KLHL14: variants seen among roughly 807,000 people sequenced by gnomAD.
The protein encoded by KLHL14 is kelch like family member 14.
KLHL14 carries 22 observed loss-of-function variants against 64.3 expected under a neutral mutation model. The observed-to-expected ratio is 0.34, with a 90% CI of 0.24 to 0.49. The LOEUF (loss-of-function observed/expected upper bound fraction) is 0.49, where lower values mean the gene tolerates loss of function less well. KLHL14 is among the 20% of genes least tolerant of loss of function. The pLI, the probability that KLHL14 is intolerant of heterozygous loss-of-function variation, is 0.99. For missense variants in KLHL14, 661 were observed against 789.0 expected, an observed-to-expected ratio of 0.84 and a Z score of 1.94; for synonymous variants, 322 against 333.4, an observed-to-expected ratio of 0.97 and a Z score of 0.37.
chr18:32,679,015 G>A (rs886411300), intron 7 of KLHL14, among the ~76,000 whole-genome samples: 1 of 152,138 alleles, frequency 6.6e-6, no homozygotes, highest in African/African-American at 2.4e-5. Flanking sequence ...TAAAGGAATG[G>A]TGTGTGGCTT....
At chr18:32,733,788 C>G (rs1426410766) in intron 3 of KLHL14, 1 of 195,670 alleles carries the variant, frequency 5.1e-6, no homozygotes, top group Non-Finnish European at 1.1e-5. Context: ...GGGCAGAACC[C>G]TAATCAAGGA....
intron 3 of KLHL14, among the ~76,000 whole-genome samples, chr18:32,705,887 T>C (rs189554634): frequency 1.3e-5 from 2 of 152,358 alleles, no homozygotes; most frequent in East Asian, 3.9e-4. Context: ...AGTTCCCATC[T>C]GGACCACTCT....
chr18:32,772,144 C>A (rs966912094), intron 1 of KLHL14: 2 of 270,754 alleles, frequency 7.4e-6, no homozygotes, highest in Admixed American at 4.1e-5. Flanking sequence ...GAGCCGCCGC[C>A]GCCGCCCGGC....
rs780059216 is a variant in KLHL14 at position 32,770,625 on chromosome 18, C to G, written c.-34G>C. Reference sequence around the variant, plus strand: ...GACTCGGTGCACCTGGCTTTAAACCCTCCTCCAACCTGGCAGACAGGGGTG... The same window carrying G: ...GACTCGGTGCACCTGGCTTTAAACCGTCCTCCAACCTGGCAGACAGGGGTG... On this transcript the variant is annotated 5_prime_UTR_variant, in exon 2 of 9. Transcript: ENST00000359358. This position sits in a 1 kb window ranked among gnomAD's most constrained non-coding sequence, Gnocchi z 6.7. 1 of 1,496,988 alleles carries G rather than the reference C, an allele frequency of 6.7e-7. No homozygotes were observed. Among genetic ancestry groups the G allele is most frequent in the Admixed American group, 2.0e-5 (1 of 50,840 alleles). The allele number at this position is 1,496,988 out of a possible 1,614,324, so 92.7% of individuals were successfully genotyped here.
intron 3 of KLHL14, among the ~76,000 whole-genome samples, chr18:32,739,642 GCACA>G (rs61442102): frequency 0.3 from 43,738 of 147,128 alleles, 6,444 homozygotes; most frequent in African/African-American, 0.33. Context: ...TAAGAACTTT[GCACA>G]CACACACACA....
In KLHL14 at chr18:32,680,091, T is replaced by A; in HGVS notation, c.1588+78A>T. On this transcript the variant is annotated intron_variant, in intron 7 of 8. Coordinates refer to ENST00000359358, the MANE Select transcript of KLHL14 (RefSeq NM_020805.3). The surrounding 1 kb of genome is among the most constrained non-coding windows in gnomAD (Gnocchi z 4.8). ...TTTTACTTGGTTAACTATGATTATCTAAGGAGAAACCCCCTTAGCGAGAAA... is the reference window on the plus strand; with the variant it reads ...TTTTACTTGGTTAACTATGATTATCAAAGGAGAAACCCCCTTAGCGAGAAA... 7.1e-7 allele frequency: 1 copy of A among 1,417,408 alleles called. No homozygotes were observed. The highest frequency in any genetic ancestry group is 9.6e-7 in the Non-Finnish European group (1 of 1,036,510). 87.8% of individuals were successfully genotyped at this position (1,417,408 alleles called of 1,614,324 possible). A position where few individuals can be genotyped will look rare whatever the true frequency, so the allele number is the denominator to read the frequency against.
chr18:32,750,679 C>G (rs1196897566), intron 2 of KLHL14, among the ~76,000 whole-genome samples: 1 of 152,112 alleles, frequency 6.6e-6, no homozygotes, highest in South Asian at 2.1e-4. Flanking sequence ...TCATGGTATC[C>G]TTGACTCTTC....
chr18:32,731,257 C>T (rs754266124), intron 3 of KLHL14, among the ~76,000 whole-genome samples: 7 of 152,132 alleles, frequency 4.6e-5, no homozygotes, highest in Non-Finnish European at 5.9e-5. Flanking sequence ...GCCTTCATTA[C>T]GTCTTTATTT....
At chr18:32,750,764 GC>G (rs1188126458) in intron 2 of KLHL14, among the ~76,000 whole-genome samples, 3 of 152,116 alleles carry the variant, frequency 2.0e-5, no homozygotes, top group Admixed American at 6.6e-5. Context: ...CAGCTGAGCG[GC>G]CATCAGCTGG....
intron 3 of KLHL14, chr18:32,738,645 A>AAGAT (rs1376323353): frequency 6.6e-6 from 1 of 152,172 alleles, no homozygotes; most frequent in African/African-American, 2.4e-5. Context: ...TCCAAAAAGG[A>AAGAT]AGATAAACAT....
At chr18:32,722,913 C>T (rs536048370) in intron 3 of KLHL14, among the ~76,000 whole-genome samples, 79 of 152,252 alleles carry the variant, frequency 5.2e-4, no homozygotes, top group African/African-American at 1.8e-3. Flanking sequence ...CATGACCACA[C>T]CACTGCACTC....
intron 2 of KLHL14, among the ~76,000 whole-genome samples, chr18:32,752,853 G>A (rs1278605333): frequency 2.1e-5 from 3 of 143,804 alleles, no homozygotes; most frequent in African/African-American, 5.2e-5. Context: ...GCGGGATCTC[G>A]GCTCACTGCA....
chr18:32,695,370 T>G (rs2049931583), intron 4 of KLHL14, 93 bp downstream of exon 4: 1 of 800,098 alleles, frequency 1.2e-6, no homozygotes, highest in Non-Finnish European at 2.2e-6. Context: ...CAGAAATGTA[T>G]TTTCCACACT....
chr18:32,737,893 G>A (rs2050174338), intron 3 of KLHL14: 2 of 152,252 alleles, frequency 1.3e-5, no homozygotes, highest in African/African-American at 4.8e-5. Context: ...GTTATCAAGA[G>A]AAGGAACACG....
intron 2 of KLHL14, among the ~76,000 whole-genome samples, chr18:32,752,049 C>T (rs1012509518): frequency 2.0e-5 from 3 of 152,128 alleles, no homozygotes; most frequent in Non-Finnish European, 4.4e-5. Context: ...ATCACTTGAA[C>T]TTGGGAGGTG....
At position 32,694,575 on chromosome 18, in the gene KLHL14, T is replaced by C. The variant is rs1056172038; in HGVS notation, c.1159+888A>G. Among the ~76,000 whole-genome samples the C allele has an allele frequency of 4.6e-5, 7 of 152,358 alleles. No homozygotes were observed. In the East Asian group the frequency reaches 1.4e-3, roughly 29 times the overall value. ...TCTTGAAGGGTGGCCTGGATTGTTT[T>C]CCTTGAAGATTTTCTAGAGTGAACA... On this transcript the variant is annotated intron_variant, in intron 4 of 8. Coordinates refer to ENST00000359358, the MANE Select transcript of KLHL14 (RefSeq NM_020805.3).
In KLHL14 at chr18:32,770,415, T is replaced by C. The variant is rs781295660; in HGVS notation, c.177A>G (p.Arg59=). 3.7e-6 allele frequency: 6 copies of C among 1,604,190 alleles called. No homozygotes were observed. In the Admixed American group the frequency reaches 1.0e-4, roughly 27 times the overall value. ...AVLASCSQYF[R]SLFSSHPPLG... is the part of the protein sequence containing the mutation. ...GAGGGGGGTGGCTGGAGAAGAGCGATCGGAAGTACTGCGAGCAGGAGGCCA... is the reference window on the plus strand; with the variant it reads ...GAGGGGGGTGGCTGGAGAAGAGCGACCGGAAGTACTGCGAGCAGGAGGCCA... Residue 59 remains arginine, a synonymous_variant, in exon 2 of 9, where the codon CGA becomes CGG. Coordinates refer to ENST00000359358, the MANE Select transcript of KLHL14 (RefSeq NM_020805.3). This position sits in a 1 kb window ranked among gnomAD's most constrained non-coding sequence, Gnocchi z 6.7.
At chr18:32,741,537 C>G (rs2050197510) in intron 3 of KLHL14, among the ~76,000 whole-genome samples, 1 of 152,220 alleles carries the variant, frequency 6.6e-6, no homozygotes, top group Non-Finnish European at 1.5e-5. Context: ...GTTACAGAGA[C>G]AGTGAACTAA....
At chr18:32,750,060 ACGTGTGTGCTCTCCT>A (rs1189226538) in intron 2 of KLHL14, among the ~76,000 whole-genome samples, 1 of 151,472 alleles carries the variant, frequency 6.6e-6, no homozygotes, top group Admixed American at 6.6e-5. Flanking sequence ...AGGAGAGCAC[ACGTGTGTGCTCTCCT>A]CTCTCTTCTT....
Sources: gnomAD v4.1 joint callset for allele counts (sites outside exome capture counted in the v4.1 genomes callset) on GRCh38, gnomAD v4.1.1 for gene constraint, Gnocchi (gnomAD v3.1) non-coding constraint, MANE v1.5 for transcripts, NCBI Gene and HGNC (gene_info 2026-07-23, HGNC 2026-07-21) for gene names.